The following TNFSF4 variants were observed in gnomAD, a reference collection of about 807,000 sequenced individuals.
The protein encoded by TNFSF4 is tumor necrosis factor ligand superfamily member 4.
Under a neutral mutation model 7.3 loss-of-function variants are expected in TNFSF4, and 4 were observed. The observed-to-expected ratio is 0.55, with a 90% confidence interval of 0.27 to 1.25. The LOEUF (loss-of-function observed/expected upper bound fraction) is 1.25. TNFSF4 is among the 50% of genes most tolerant of loss of function. TNFSF4 has a pLI of 0.12. For synonymous variants in TNFSF4, 76 were observed against 83.7 expected (o/e 0.91, Z 0.50); for missense variants, 181 against 208.8 (o/e 0.87, Z 0.82).
chr1:173,401,895 T>G, the TNFSF4 span, among the ~76,000 whole-genome samples: 1 of 152,250 alleles, frequency 6.6e-6, no homozygotes, highest in Non-Finnish European at 1.5e-5. Context: ...TCCTATCTTA[T>G]ATGGGCAATG....
the TNFSF4 span, among the ~76,000 whole-genome samples, chr1:173,292,625 G>A: frequency 6.6e-6 from 1 of 151,656 alleles, no homozygotes; most frequent in South Asian, 2.1e-4. Flanking sequence ...ACGTAGTACT[G>A]GAAGTCCTGG....
chr1:173,365,912 T>G, the TNFSF4 span, among the ~76,000 whole-genome samples: 1 of 152,236 alleles, frequency 6.6e-6, no homozygotes, highest in Non-Finnish European at 1.5e-5. Context: ...GATATGCAAG[T>G]TCACACATAT....
chr1:173,267,729 C>A, the TNFSF4 span, among the ~76,000 whole-genome samples: 1 of 151,904 alleles, frequency 6.6e-6, no homozygotes, highest in African/African-American at 2.4e-5. Context: ...GGATTTGCTT[C>A]CAGGATTACT....
At chr1:173,340,485 G>A in the TNFSF4 span, among the ~76,000 whole-genome samples, 2 of 152,192 alleles carry the variant, frequency 1.3e-5, no homozygotes, top group East Asian at 3.9e-4. Context: ...TTGAGGTGAT[G>A]AGCCTGACCC....
At chr1:173,328,929 A>G in the TNFSF4 span, among the ~76,000 whole-genome samples, 4 of 152,236 alleles carry the variant, frequency 2.6e-5, no homozygotes, top group Non-Finnish European at 5.9e-5. Flanking sequence ...ACACGTGGAA[A>G]GCCATTTTAA....
the TNFSF4 span, among the ~76,000 whole-genome samples, chr1:173,356,467 G>A: frequency 9.9e-5 from 15 of 152,274 alleles, no homozygotes; most frequent in East Asian, 1.3e-3. Flanking sequence ...TTCATTTTTC[G>A]TAATGCATTC....
At chr1:173,442,063 G>A in the TNFSF4 span, 1 of 152,214 alleles carries the variant, frequency 6.6e-6, no homozygotes, top group East Asian at 1.9e-4. Context: ...GGAATAAGAA[G>A]CCAATGTTGT....
chr1:173,210,153 C>G (rs555615596), upstream of TNFSF4, among the ~76,000 whole-genome samples: 1 of 151,366 alleles, frequency 6.6e-6, no homozygotes, highest in Non-Finnish European at 1.5e-5. Context: ...ATCTCTAAGT[C>G]AGATTTTCAT....
the TNFSF4 span, among the ~76,000 whole-genome samples, chr1:173,281,529 T>A: frequency 6.6e-6 from 1 of 152,190 alleles, no homozygotes; most frequent in Non-Finnish European, 1.5e-5. Flanking sequence ...TGACTGCATT[T>A]CTCAGGAAGC....
chr1:173,380,063 G>T, the TNFSF4 span, among the ~76,000 whole-genome samples: 2 of 152,180 alleles, frequency 1.3e-5, no homozygotes, highest in Non-Finnish European at 2.9e-5. Flanking sequence ...CTGGACACTG[G>T]CGTGGCCTTC....
chr1:173,333,843 A>G, the TNFSF4 span, among the ~76,000 whole-genome samples: 1 of 152,084 alleles, frequency 6.6e-6, no homozygotes, highest in Non-Finnish European at 1.5e-5. Context: ...CTGTGTCTTA[A>G]GTCTGCTGGC....
the TNFSF4 span, among the ~76,000 whole-genome samples, chr1:173,236,926 T>TC: frequency 6.6e-6 from 1 of 151,984 alleles, no homozygotes; most frequent in Non-Finnish European, 1.5e-5. Flanking sequence ...TTGGGTTGTG[T>TC]CCCCCCACCA....
At chr1:173,303,115 A>C in the TNFSF4 span, among the ~76,000 whole-genome samples, 1 of 151,848 alleles carries the variant, frequency 6.6e-6, no homozygotes, top group Non-Finnish European at 1.5e-5. Context: ...TCAGAGCCAC[A>C]CTCTCTTACA....
the TNFSF4 span, among the ~76,000 whole-genome samples, chr1:173,404,009 T>C: frequency 2.3e-4 from 35 of 152,134 alleles, no homozygotes; most frequent in Non-Finnish European, 3.8e-4. Context: ...CAAAGAGACC[T>C]GAAAATCTAT....
chr1:173,305,957 C>T, the TNFSF4 span, among the ~76,000 whole-genome samples: 1 of 152,016 alleles, frequency 6.6e-6, no homozygotes, highest in East Asian at 1.9e-4. Context: ...GAGAGCCAAA[C>T]CACATCACCC....
chr1:173,431,155 G>C, the TNFSF4 span, among the ~76,000 whole-genome samples: 1 of 152,194 alleles, frequency 6.6e-6, no homozygotes, highest in Non-Finnish European at 1.5e-5. Context: ...TAGACCTAAA[G>C]TAAATGAATC....
At chr1:173,291,187 T>C in the TNFSF4 span, among the ~76,000 whole-genome samples, 3 of 152,112 alleles carry the variant, frequency 2.0e-5, no homozygotes, top group African/African-American at 4.8e-5. Flanking sequence ...GCGAGCACCT[T>C]ACGTGGTAAA....
chr1:173,177,840 T>C, the TNFSF4 span, among the ~76,000 whole-genome samples: 2 of 152,168 alleles, frequency 1.3e-5, no homozygotes, highest in South Asian at 2.1e-4. Context: ...ATTAAAGAAT[T>C]ATATGTTACA....
chr1:173,338,714 T>G, the TNFSF4 span, among the ~76,000 whole-genome samples: 1 of 152,102 alleles, frequency 6.6e-6, no homozygotes, highest in Admixed American at 6.5e-5. Flanking sequence ...CTGGCAAAAT[T>G]TTTGCTTCCT....
Sources: allele counts gnomAD v4.1 joint callset (sites outside exome capture counted in the v4.1 genomes callset), GRCh38; gene constraint gnomAD v4.1.1; transcripts MANE v1.5; gene names NCBI Gene and HGNC (gene_info 2026-07-23, HGNC 2026-07-21).